The following KCNB2 variants were observed in gnomAD, a reference collection of about 807,000 sequenced individuals.
KCNB2 encodes potassium voltage-gated channel subfamily B member 2.
In KCNB2, 15 loss-of-function variants were observed where a neutral mutation model predicts 61.5. That is an observed-to-expected ratio of 0.24 (90% CI 0.16 to 0.38). The LOEUF (loss-of-function observed/expected upper bound fraction) is 0.38. Among genes scored for constraint, KCNB2 ranks in the 10% least tolerant of loss-of-function variants. KCNB2 has a pLI of 1.00. For missense variants in KCNB2, 828 were observed against 1,125.2 expected, an observed-to-expected ratio of 0.74 and a Z score of 3.78; for synonymous variants, 457 against 446.0, an observed-to-expected ratio of 1.02 and a Z score of -0.31.
At chr8:72,632,545 T>A (rs1805897828) in intron 2 of KCNB2, among the ~76,000 whole-genome samples, 1 of 152,208 alleles carries the variant, frequency 6.6e-6, no homozygotes, top group Non-Finnish European at 1.5e-5. Context: ...TAATTGCTGC[T>A]GCTCCCGAAT....
chr8:72,754,806 G>T (rs1360380908), intron 2 of KCNB2, among the ~76,000 whole-genome samples: 1 of 152,146 alleles, frequency 6.6e-6, no homozygotes, highest in Non-Finnish European at 1.5e-5. Context: ...TGAAAAATCA[G>T]CAAATCAGAA....
intron 2 of KCNB2, among the ~76,000 whole-genome samples, chr8:72,837,494 C>A (rs79306657): frequency 1.1e-3 from 165 of 152,302 alleles, no homozygotes; most frequent in Admixed American, 3.2e-3. Flanking sequence ...TTAGTTGTGC[C>A]ATGACATTTT....
At chr8:72,744,418 A>G (rs989822768) in intron 2 of KCNB2, among the ~76,000 whole-genome samples, 1 of 152,200 alleles carries the variant, frequency 6.6e-6, no homozygotes, top group Non-Finnish European at 1.5e-5. Context: ...CCAAGGACAC[A>G]GTGTAAACAA....
At chr8:72,608,218 G>A (rs1350383025) in intron 2 of KCNB2, among the ~76,000 whole-genome samples, 1 of 152,126 alleles carries the variant, frequency 6.6e-6, no homozygotes, top group Non-Finnish European at 1.5e-5. Context: ...GGCAGATATG[G>A]CAGATGGGGG....
chr8:72,888,506 A>T (rs997607218), intron 2 of KCNB2, among the ~76,000 whole-genome samples: 4 of 152,238 alleles, frequency 2.6e-5, no homozygotes, highest in Admixed American at 6.5e-5. Flanking sequence ...AGTACATAAA[A>T]TTCTCGGAGA....
chr8:72,590,844 C>T (rs926621999), intron 2 of KCNB2, among the ~76,000 whole-genome samples: 5 of 152,096 alleles, frequency 3.3e-5, no homozygotes, highest in Admixed American at 6.5e-5. Context: ...TAGCTCCTTA[C>T]GTACTCCAGT....
intron 2 of KCNB2, among the ~76,000 whole-genome samples, chr8:72,783,487 C>T (rs1808798005): frequency 6.6e-6 from 1 of 152,180 alleles, no homozygotes; most frequent in Non-Finnish European, 1.5e-5. Flanking sequence ...GCCGGTCCCT[C>T]TGCTTATAAA....
chr8:72,864,020 G>C lies in KCNB2; in HGVS notation c.580-71915G>C, dbSNP rs186351880. ...GTCTCCAAAGAAAAAGAGGGGAGGT[G>C]GGGGAATAGTCGCTTTTTGCACACT... On this transcript the variant is annotated intron_variant, in intron 2 of 2. Transcript: ENST00000523207. Among the ~76,000 whole-genome samples, 114 of 152,224 alleles carry C rather than the reference G, an allele frequency of 7.5e-4. 2 individuals carry two copies. Among genetic ancestry groups the C allele is most frequent in the Middle Eastern group, 6.8e-3 (2 of 294 alleles).
At chr8:72,806,690 T>C (rs780170880) in intron 2 of KCNB2, among the ~76,000 whole-genome samples, 8 of 152,226 alleles carry the variant, frequency 5.3e-5, no homozygotes, top group Non-Finnish European at 1.2e-4. Flanking sequence ...TAAGATTATT[T>C]CATTTCTTCA....
Position 72,605,934 on chromosome 8 carries a change from G to GA in KCNB2, c.579+37629dup, listed in dbSNP as rs1055755661. On this transcript the variant is annotated intron_variant, in intron 2 of 2. Transcript: ENST00000523207. ...CAAGAGGAATACTAACCCAGCAATT[G>GA]AAAAAAAAGACAAAAGGAGGAAGAA... is the stretch of plus-strand genomic sequence containing the variant. Among the ~76,000 whole-genome samples, 162 of 150,866 alleles carry GA rather than the reference G, an allele frequency of 1.1e-3. 1 individual carries two copies. Among genetic ancestry groups the GA allele is most frequent in the African/African-American group, 2.5e-3 (104 of 41,158 alleles).
chr8:72,681,420 C>T (rs1445229913), intron 2 of KCNB2, among the ~76,000 whole-genome samples: 1 of 152,048 alleles, frequency 6.6e-6, no homozygotes, highest in Non-Finnish European at 1.5e-5. Flanking sequence ...TACACAGCAC[C>T]AGGATCATCA....
At position 72,725,551 on chromosome 8, in the gene KCNB2, A is replaced by G. The variant is rs1158728629; in HGVS notation, c.579+157238A>G. On this transcript the variant is annotated intron_variant, in intron 2 of 2. Transcript: ENST00000523207. ...TATATATATATATATGTGTGTATATATATATGTATATATGTATATATATGT... is the reference window on the plus strand; with the variant it reads ...TATATATATATATATGTGTGTATATGTATATGTATATATGTATATATATGT... Among the ~76,000 whole-genome samples, 62 of 73,946 alleles carry G rather than the reference A, an allele frequency of 8.4e-4. 1 individual carries two copies. The highest frequency in any genetic ancestry group is 2.8e-3 in the African/African-American group (57 of 20,358). The allele number at this position is 73,946 out of a possible 152,430, so 48.5% of individuals were successfully genotyped here.
chr8:72,821,629 CACAAAAAAAAACA>C (rs1410071881), intron 2 of KCNB2, among the ~76,000 whole-genome samples: 4 of 53,696 alleles, frequency 7.4e-5, no homozygotes, highest in Non-Finnish European at 9.9e-5. Flanking sequence ...TACACACACA[CACAAAAAAAAACA>C]AAAAAAAAAA....
chr8:72,715,191 G>A (rs1807408712), intron 2 of KCNB2, among the ~76,000 whole-genome samples: 1 of 152,172 alleles, frequency 6.6e-6, no homozygotes. Flanking sequence ...AAGAGACTTA[G>A]ACTCCCACAC....
At chr8:72,800,348 T>G (rs535782191) in intron 2 of KCNB2, among the ~76,000 whole-genome samples, 2 of 152,314 alleles carry the variant, frequency 1.3e-5, no homozygotes. Flanking sequence ...AGCTCTGTAT[T>G]TCAACTACAA....
intron 2 of KCNB2, among the ~76,000 whole-genome samples, chr8:72,749,791 A>AAT (rs1808155942): frequency 7.1e-6 from 1 of 140,458 alleles, no homozygotes; most frequent in African/African-American, 2.8e-5. Context: ...TATTATATAT[A>AAT]ATATATATAA....
chr8:72,740,570 G>A lies in KCNB2; in HGVS notation c.579+172257G>A, dbSNP rs552757226. Among the ~76,000 whole-genome samples, 3 of 152,246 alleles carry A rather than the reference G, an allele frequency of 2.0e-5. No homozygotes were observed. The East Asian group carries it at 5.8e-4, about 29-fold the overall frequency. On this transcript the variant is annotated intron_variant, in intron 2 of 2. Transcript: ENST00000523207. ...AGTTCTCATGGGGAAAAGATGAGAG[G>A]CCCATGAACAAATGGCTGCCAAAAG...
At chr8:72,868,370 G>C (rs1042795538) in intron 2 of KCNB2, among the ~76,000 whole-genome samples, 1 of 151,824 alleles carries the variant, frequency 6.6e-6, no homozygotes, top group African/African-American at 2.4e-5. Flanking sequence ...ACGAGGTCAA[G>C]AGATCAAGAC....
chr8:72,781,225 T>C (rs549969821), intron 2 of KCNB2, among the ~76,000 whole-genome samples: 1 of 152,302 alleles, frequency 6.6e-6, no homozygotes, highest in South Asian at 2.1e-4. Flanking sequence ...TTTAATTAGA[T>C]CCCATTTGTC....
Sources: allele counts gnomAD v4.1 joint callset (sites outside exome capture counted in the v4.1 genomes callset), GRCh38; gene constraint gnomAD v4.1.1; transcripts MANE v1.5; gene names NCBI Gene and HGNC (gene_info 2026-07-23, HGNC 2026-07-21).